VPS39: variants seen among roughly 807,000 people sequenced by gnomAD.
VPS39 encodes the protein VPS39 subunit of HOPS complex, also known as vam6/Vps39-like protein.
In VPS39, 70 loss-of-function variants were observed where a neutral mutation model predicts 121.0. The observed-to-expected ratio is 0.58, with a 90% CI of 0.48 to 0.71. The LOEUF (loss-of-function observed/expected upper bound fraction) is 0.71. Ranked by LOEUF, VPS39 falls within the 30% of genes least tolerant of loss-of-function variation. VPS39 has a pLI of 0.00. For missense variants in VPS39, 818 were observed against 1,051.5 expected, an observed-to-expected ratio of 0.78 and a Z score of 3.07; for synonymous variants, 378 against 398.1, an observed-to-expected ratio of 0.95 and a Z score of 0.60.
chr15:42,202,105 T>C (rs1257181538), intron 1 of VPS39, among the ~76,000 whole-genome samples: 3 of 152,130 alleles, frequency 2.0e-5, no homozygotes, highest in Non-Finnish European at 4.4e-5. Flanking sequence ...CCCAACCACA[T>C]GCTGTGATGT....
chr15:42,172,417 A>G (rs2049364627), intron 11 of VPS39, among the ~76,000 whole-genome samples: 1 of 152,144 alleles, frequency 6.6e-6, no homozygotes, highest in Admixed American at 6.5e-5. Flanking sequence ...GTGACATAAA[A>G]CTGCAACTGC....
chr15:42,185,547 AGCC>A lies in VPS39; in HGVS notation c.535-850_535-848del, dbSNP rs963227024. On this transcript the variant is annotated intron_variant, in intron 7 of 24. Transcript: ENST00000318006. Reference sequence around the variant, plus strand: ...AACACCTTGCCATAGACTACTATTCAGCCATGAGAAAGAATAAACTATTAACAC... The same window carrying A: ...AACACCTTGCCATAGACTACTATTCAATGAGAAAGAATAAACTATTAACAC... 9.8e-5 allele frequency among the ~76,000 whole-genome samples: 15 copies of A among 152,342 alleles called. 1 individual carries two copies. Among genetic ancestry groups the A allele is most frequent in the Admixed American group, 9.1e-4 (14 of 15,306 alleles).
intron 8 of VPS39, 181 bp from the exon 9 acceptor site, chr15:42,178,751 C>A (rs1377257651): frequency 3.6e-6 from 3 of 837,970 alleles, no homozygotes; most frequent in Non-Finnish European, 5.3e-6. Context: ...GCCTGTAATC[C>A]CAGCAACTTG....
At chr15:42,192,206 A>G in intron 2 of VPS39, 2 of 1,059,954 alleles carry the variant, frequency 1.9e-6, no homozygotes, top group Non-Finnish European at 2.8e-6. Context: ...TGAGTCAAAA[A>G]GAGAATAATT....
intron 10 of VPS39, among the ~76,000 whole-genome samples, chr15:42,174,070 A>AC (rs2049399803): frequency 6.6e-6 from 1 of 151,934 alleles, no homozygotes; most frequent in South Asian, 2.1e-4. Context: ...ACACGGTGAA[A>AC]CCCCGTCTCT....
At chr15:42,189,796 T>TC (rs2049785901) in intron 4 of VPS39, among the ~76,000 whole-genome samples, 1 of 44,104 alleles carries the variant, frequency 2.3e-5, no homozygotes, top group African/African-American at 4.6e-5. Context: ...AAAACACTCT[T>TC]TTTTTTTTTT....
At chr15:42,162,819 G>A (rs2049159571) in intron 21 of VPS39, 1 of 246,272 alleles carries the variant, frequency 4.1e-6, no homozygotes, top group East Asian at 9.0e-5. Flanking sequence ...TGCAGGTGGG[G>A]ATATCCTAAG....
chr15:42,166,955 G>T lies in VPS39; in HGVS notation c.1378-42C>A, dbSNP rs369268622. ...AGTTCAGTGGAAACTGCTTCCTGGG[G>T]AGCCCCACCCTTCCCTGGCCCAGGC... On this transcript the variant is annotated intron_variant, in intron 13 of 24. Coordinates refer to ENST00000318006, the MANE Select transcript of VPS39 (RefSeq NM_015289.5). The T allele has an allele frequency of 5.6e-6, 9 of 1,611,330 alleles. No homozygotes were observed. The South Asian group carries it at 9.9e-5, about 18-fold the overall frequency.
chr15:42,164,167 C>T (rs934018614), intron 19 of VPS39, among the ~76,000 whole-genome samples, 191 bp downstream of exon 19: 4 of 152,174 alleles, frequency 2.6e-5, no homozygotes, highest in African/African-American at 9.7e-5. Flanking sequence ...GGTTCATACC[C>T]AGGAAGGAGA....
chr15:42,177,399 C>T (rs918945612), intron 10 of VPS39, among the ~76,000 whole-genome samples: 3 of 152,074 alleles, frequency 2.0e-5, no homozygotes, highest in African/African-American at 4.8e-5. Context: ...AACAAGATCC[C>T]TTGCAAACAT....
At position 42,196,647 on chromosome 15, in the gene VPS39, T is replaced by C. The variant is rs201990806; in HGVS notation, c.139+3249A>G. Reference sequence around the variant, plus strand: ...AGATACCATCTCACACCAGTTAGAATGGCGATCATTAAAAAGTCAGGAAAC... The same window carrying C: ...AGATACCATCTCACACCAGTTAGAACGGCGATCATTAAAAAGTCAGGAAAC... On this transcript the variant is annotated intron_variant, in intron 2 of 24. Coordinates refer to ENST00000318006, the MANE Select transcript of VPS39 (RefSeq NM_015289.5). 3.3e-3 allele frequency among the ~76,000 whole-genome samples: 507 copies of C among 152,268 alleles called. 15 individuals carry two copies. The East Asian group carries it at 0.078, about 23-fold the overall frequency.
intron 4 of VPS39, among the ~76,000 whole-genome samples, chr15:42,189,854 G>A (rs570539385): frequency 8.5e-6 from 1 of 118,230 alleles, no homozygotes; most frequent in Admixed American, 1.1e-4. Flanking sequence ...CCAGGCTAGA[G>A]TGCATCAACA....
At chr15:42,197,252 C>G (rs1348763676) in intron 2 of VPS39, among the ~76,000 whole-genome samples, 1 of 150,072 alleles carries the variant, frequency 6.7e-6, no homozygotes, top group Non-Finnish European at 1.5e-5. Context: ...GTGCAGCACA[C>G]CAACATGGCA....
At chr15:42,195,232 G>A (rs1392381842) in intron 2 of VPS39, among the ~76,000 whole-genome samples, 1 of 152,144 alleles carries the variant, frequency 6.6e-6, no homozygotes, top group Non-Finnish European at 1.5e-5. Context: ...CTTGAGGTCA[G>A]GAATTCCAGA....
intron 5 of VPS39, 41 bp downstream of exon 5, chr15:42,189,073 G>T: frequency 1.4e-6 from 2 of 1,436,122 alleles, no homozygotes; most frequent in South Asian, 1.1e-5. Context: ...AGACTGTATT[G>T]ATTAAAGCAT....
intron 18 of VPS39, 170 bp from the exon 19 acceptor site, chr15:42,164,656 A>C: frequency 1.4e-6 from 2 of 1,437,716 alleles, no homozygotes; most frequent in Non-Finnish European, 1.8e-6. Context: ...ATGTGGCCCC[A>C]AAACATCAGC....
chr15:42,162,157 G>C lies in VPS39; in HGVS notation c.2335C>G (p.Leu779Val). ...SKLDTTKALN[L>V]LPANTQINDI... Reference sequence around the variant, plus strand: ...TTGATCTGAGTGTTTGCTGGCAGAAGGTTGAGGGCCTAGGGACAGGAACAG... The same window carrying C: ...TTGATCTGAGTGTTTGCTGGCAGAACGTTGAGGGCCTAGGGACAGGAACAG... The change falls in exon 23 of 25, where the codon CTT becomes GTT. Residue 779 changes from leucine to valine, a missense_variant. Physicochemically the swap from Leu to Val is conservative, Grantham distance 32. Coordinates refer to ENST00000318006, the MANE Select transcript of VPS39 (RefSeq NM_015289.5). The C allele has an allele frequency of 6.2e-7, 1 of 1,614,206 alleles. No homozygotes were observed. Among genetic ancestry groups the C allele is most frequent in the Non-Finnish European group, 8.5e-7 (1 of 1,180,044 alleles).
rs2049079025 is a variant in VPS39 at position 42,159,105 on chromosome 15, G to A, written c.*1649C>T. The A allele has an allele frequency of 6.6e-6, 1 of 152,270 alleles. No homozygotes were observed. Among genetic ancestry groups the A allele is most frequent in the Admixed American group, 6.5e-5 (1 of 15,282 alleles). 9.4% of individuals were successfully genotyped at this position (152,270 alleles called of 1,614,324 possible). On this transcript the variant is annotated 3_prime_UTR_variant, in exon 25 of 25. Transcript: ENST00000318006. Reference sequence around the variant, plus strand: ...TGTGGGTATGGCCAGTCGGGACGTGGCGCCACACACTGCTCCTCCGAACTC... The same window carrying A: ...TGTGGGTATGGCCAGTCGGGACGTGACGCCACACACTGCTCCTCCGAACTC...
rs1251824375 is a variant in VPS39, at chr15:42,201,082, C to A, written c.74-1121G>T. ...GTAAATACTAATGGGTACTGAGTTTCTTCTGAAAGTGATGAATATGTTCTA... is the reference window on the plus strand; with the variant it reads ...GTAAATACTAATGGGTACTGAGTTTATTCTGAAAGTGATGAATATGTTCTA... On this transcript the variant is annotated intron_variant, in intron 1 of 24. Coordinates refer to ENST00000318006, the MANE Select transcript of VPS39 (RefSeq NM_015289.5). Among the ~76,000 whole-genome samples the A allele has an allele frequency of 2.6e-5, 4 of 152,234 alleles. No individual in the cohort carries two copies. The East Asian group carries it at 7.7e-4, about 29-fold the overall frequency.
Sources: allele counts gnomAD v4.1 joint callset (sites outside exome capture counted in the v4.1 genomes callset), GRCh38; gene constraint gnomAD v4.1.1; transcripts MANE v1.5; gene names NCBI Gene and HGNC (gene_info 2026-07-23, HGNC 2026-07-21).